KIAA1671: variants seen among roughly 807,000 people sequenced by gnomAD.
The protein encoded by KIAA1671 is KIAA1671.
Under a neutral mutation model 131.2 loss-of-function variants are expected in KIAA1671, and 52 were observed. That is an observed-to-expected ratio of 0.40 (90% CI 0.32 to 0.50). The LOEUF is 0.50. Among genes scored for constraint, KIAA1671 ranks in the 20% least tolerant of loss-of-function variants. The pLI, the probability that KIAA1671 is intolerant of heterozygous loss-of-function variation, is 0.73. For synonymous variants in KIAA1671, 1,003 were observed against 961.6 expected (o/e 1.04, Z -0.80); for missense variants, 2,360 against 2,364.2 (o/e 1.00, Z 0.04).
chr22:24,992,765 A>C (rs1923907518), intron 1 of KIAA1671, among the ~76,000 whole-genome samples: 1 of 138,732 alleles, frequency 7.2e-6, no homozygotes, highest in Non-Finnish European at 1.5e-5. Context: ...CAGTGAGCCA[A>C]GATCACGCCA....
intron 4 of KIAA1671, among the ~76,000 whole-genome samples, chr22:25,037,349 C>G (rs1926662945): frequency 6.6e-6 from 1 of 150,982 alleles, no homozygotes; most frequent in Non-Finnish European, 1.5e-5. Flanking sequence ...GTGTATATTG[C>G]AAAAAAATAT....
intron 1 of KIAA1671, among the ~76,000 whole-genome samples, chr22:24,974,685 CTTTTTTTT>C (rs34171375): frequency 1.4e-4 from 11 of 81,260 alleles, no homozygotes; most frequent in African/African-American, 3.2e-4. Flanking sequence ...CAGCTCACCT[CTTTTTTTT>C]TTTTTTTTTT....
chr22:24,986,559 G>GATTA (rs1184004816), intron 1 of KIAA1671, among the ~76,000 whole-genome samples: 9 of 151,716 alleles, frequency 5.9e-5, no homozygotes, highest in Non-Finnish European at 1.3e-4. Flanking sequence ...TTCAATCAGT[G>GATTA]ATTAATTGAA....
intron 5 of KIAA1671, among the ~76,000 whole-genome samples, chr22:25,044,317 G>A (rs1205711892): frequency 1.3e-5 from 2 of 152,316 alleles, no homozygotes; most frequent in East Asian, 3.9e-4. Context: ...TCCTGAGAAG[G>A]GTTTCATCTG....
rs1216518712 is a variant in KIAA1671 at position 25,040,407 on chromosome 22, G to A, written c.3277G>A (p.Glu1093Lys). The A allele has an allele frequency of 1.9e-6, 3 of 1,551,880 alleles. No homozygotes were observed. Among genetic ancestry groups the A allele is most frequent in the South Asian group, 2.4e-5 (2 of 84,070 alleles). The change falls in exon 5 of 13, where the codon GAG becomes AAG. Residue 1093 changes from glutamate (E) to lysine (K), a missense_variant. Around this residue, in one of 3 missense-constraint regions of KIAA1671, gnomAD observed 1,161 missense variants for 1,204.7 expected, o/e 0.96. Coordinates refer to ENST00000358431, the MANE Select transcript of KIAA1671 (RefSeq NM_001145206.2). ...AGSKNWMKGR[E>K]HENASILKTL... is the part of the protein sequence containing the mutation. The stretch of plus-strand genomic sequence containing the variant: ...CAGTAAAAACTGGATGAAGGGACGA[G>A]AGCATGAAAATGCAAGCATTTTAAA...
chr22:25,145,323 G>A (rs1310693624), intron 6 of KIAA1671, among the ~76,000 whole-genome samples: 1 of 152,238 alleles, frequency 6.6e-6, no homozygotes. Context: ...GCTGGAGGGA[G>A]TTGGGAGAGC....
intron 1 of KIAA1671, among the ~76,000 whole-genome samples, chr22:24,984,027 C>T (rs1386742445): frequency 6.6e-6 from 1 of 152,094 alleles, no homozygotes; most frequent in Non-Finnish European, 1.5e-5. Flanking sequence ...ATCTGCCCGC[C>T]TCGGCCTCCC....
chr22:25,107,880 C>T (rs978503631), intron 6 of KIAA1671, among the ~76,000 whole-genome samples: 1 of 151,970 alleles, frequency 6.6e-6, no homozygotes, highest in Non-Finnish European at 1.5e-5. Flanking sequence ...TGGTGGTGCA[C>T]ACCTGTAATC....
At chr22:25,117,926 A>G (rs1931759156) in intron 6 of KIAA1671, among the ~76,000 whole-genome samples, 1 of 151,940 alleles carries the variant, frequency 6.6e-6, no homozygotes, top group African/African-American at 2.4e-5. Context: ...ATCACCTGAG[A>G]TCGGGAGTTC....
At chr22:25,152,580 A>G (rs1933084312) in intron 6 of KIAA1671, among the ~76,000 whole-genome samples, 1 of 152,170 alleles carries the variant, frequency 6.6e-6, no homozygotes, top group South Asian at 2.1e-4. Context: ...CTGAAATTCA[A>G]AAAGCTCTCA....
chr22:25,116,993 G>T lies in KIAA1671; in HGVS notation c.4531-53827G>T, dbSNP rs1931697613. Reference sequence around the variant, plus strand: ...ATATTGGGCTACATAATTGTTTATGGCTGTGGGGGGTAAGGGGTAGAGTCT... The same window carrying T: ...ATATTGGGCTACATAATTGTTTATGTCTGTGGGGGGTAAGGGGTAGAGTCT... On this transcript the variant is annotated intron_variant, in intron 6 of 12. Coordinates refer to ENST00000358431, the MANE Select transcript of KIAA1671 (RefSeq NM_001145206.2). Among the ~76,000 whole-genome samples the T allele has an allele frequency of 2.0e-5, 3 of 152,142 alleles. No homozygotes were observed. In the South Asian group the frequency reaches 6.2e-4, roughly 32 times the overall value.
At chr22:25,015,227 TAAAAAA>T in intron 1 of KIAA1671, among the ~76,000 whole-genome samples, 1 of 115,836 alleles carries the variant, frequency 8.6e-6, no homozygotes, top group African/African-American at 3.4e-5. Context: ...CCTTGTCCCT[TAAAAAA>T]AAAAAAAAAA....
At chr22:24,972,347 C>G (rs559244130) in intron 1 of KIAA1671, among the ~76,000 whole-genome samples, 1 of 152,194 alleles carries the variant, frequency 6.6e-6, no homozygotes, top group Non-Finnish European at 1.5e-5. Flanking sequence ...ATGGTCAGAA[C>G]TACCCATTCA....
chr22:24,985,441 G>A (rs1049472890), intron 1 of KIAA1671, among the ~76,000 whole-genome samples: 2 of 151,658 alleles, frequency 1.3e-5, no homozygotes, highest in African/African-American at 2.4e-5. Context: ...CCGGGTTCAC[G>A]CCATTCTCCT....
At chr22:25,079,509 G>A (rs1390533682) in intron 6 of KIAA1671, among the ~76,000 whole-genome samples, 1 of 152,184 alleles carries the variant, frequency 6.6e-6, no homozygotes, top group Admixed American at 6.5e-5. Flanking sequence ...AGGTTCTGGA[G>A]GGCTTGGGTG....
At chr22:24,978,507 A>C (rs1427872581) in intron 1 of KIAA1671, among the ~76,000 whole-genome samples, 1 of 152,148 alleles carries the variant, frequency 6.6e-6, no homozygotes, top group Non-Finnish European at 1.5e-5. Flanking sequence ...CAGATGAGGA[A>C]ACTGAGGCAC....
intron 1 of KIAA1671, among the ~76,000 whole-genome samples, chr22:25,019,090 G>GTGTGTT (rs1304991335): frequency 2.2e-5 from 3 of 134,242 alleles, no homozygotes; most frequent in African/African-American, 7.8e-5. Context: ...GTGTGTGTGT[G>GTGTGTT]TGTTTTAATT....
At chr22:25,148,401 G>A (rs571592092) in intron 6 of KIAA1671, among the ~76,000 whole-genome samples, 2 of 152,262 alleles carry the variant, frequency 1.3e-5, no homozygotes, top group Admixed American at 1.3e-4. Flanking sequence ...TGTCCAGGGT[G>A]CTAAGTGGTC....
chr22:25,038,964 G>A lies in KIAA1671; in HGVS notation c.1834G>A (p.Ala612Thr). 1 of 1,551,768 alleles carries A rather than the reference G, an allele frequency of 6.4e-7. No individual in the cohort carries two copies. The highest frequency in any genetic ancestry group is 8.7e-7 in the Non-Finnish European group (1 of 1,147,030). ...TGACCGGAGCTTCCAGACTGTGTGG[G>A]CCACAGTATTTGAGCACCACGTGGA... ...EDDRSFQTVW[A>T]TVFEHHVERH... Residue 612 changes from alanine (A) to threonine (T), a missense_variant, in exon 5 of 13, where the codon GCC becomes ACC. Physicochemically the swap from Ala to Thr is moderately conservative, Grantham distance 58 (BLOSUM62 0). Around this residue, in one of 3 missense-constraint regions of KIAA1671, gnomAD observed 1,185 missense variants for 1,126.2 expected, o/e 1.05. Transcript: ENST00000358431.
Sources: allele counts gnomAD v4.1 joint callset (sites outside exome capture counted in the v4.1 genomes callset), GRCh38; gene constraint gnomAD v4.1.1; regional missense constraint gnomAD v4.1.1; transcripts MANE v1.5; gene names NCBI Gene and HGNC (gene_info 2026-07-23, HGNC 2026-07-21).